Variants in ADGRB3 observed in about 807,000 individuals in gnomAD.
The protein encoded by ADGRB3 is adhesion G protein-coupled receptor B3, also known as brain-specific angiogenesis inhibitor 3.
ADGRB3 carries 37 observed loss-of-function variants against 193.4 expected under a neutral mutation model. That is an observed-to-expected ratio of 0.19 (90% CI 0.15 to 0.25). The LOEUF (loss-of-function observed/expected upper bound fraction) is 0.25, where lower values mean the gene tolerates loss of function less well. Ranked by LOEUF, ADGRB3 falls within the 10% of genes least tolerant of loss-of-function variation. The pLI, the probability that ADGRB3 is intolerant of heterozygous loss-of-function variation, is 1.00. For missense variants in ADGRB3, 1,637 were observed against 1,852.9 expected (o/e 0.88, Z 2.14); for synonymous variants, 690 against 644.2 (o/e 1.07, Z -1.08).
chr6:68,973,788 AG>A (rs747563516), intron 8 of ADGRB3, among the ~76,000 whole-genome samples: 13 of 152,218 alleles, frequency 8.5e-5, no homozygotes, highest in Non-Finnish European at 1.6e-4. Context: ...TTGTATGAAA[AG>A]CACAACAGTG....
chr6:68,807,222 TTTTTTCTTTTTTC>T (rs1767418254), intron 3 of ADGRB3, among the ~76,000 whole-genome samples: 2 of 112,338 alleles, frequency 1.8e-5, no homozygotes, highest in East Asian at 3.0e-4. Context: ...TTTCTTTTTC[TTTTTTCTTTTTTC>T]TTTTTTTTTT....
At chr6:68,654,794 A>G (rs1341963537) in intron 3 of ADGRB3, among the ~76,000 whole-genome samples, 1 of 151,930 alleles carries the variant, frequency 6.6e-6, no homozygotes. Context: ...AAGAATAAAA[A>G]TACCTTCTGC....
intron 3 of ADGRB3, among the ~76,000 whole-genome samples, chr6:68,674,638 G>A (rs2802686): frequency 0.023 from 3,518 of 152,228 alleles, 143 homozygotes; most frequent in African/African-American, 0.077. Flanking sequence ...GGTGACCTAT[G>A]AGCTATACCT....
intron 17 of ADGRB3, among the ~76,000 whole-genome samples, chr6:69,145,607 C>A (rs1181533610): frequency 9.2e-5 from 14 of 152,096 alleles, no homozygotes; most frequent in Admixed American, 1.3e-4. Flanking sequence ...TGTCCCATGT[C>A]CAGGAAGAAT....
intron 3 of ADGRB3, among the ~76,000 whole-genome samples, chr6:68,879,213 C>CTTTTTTTTTTTTT (rs529789046): frequency 4.4e-5 from 4 of 91,906 alleles, no homozygotes; most frequent in African/African-American, 9.7e-5. Flanking sequence ...CTTTTTGTCG[C>CTTTTTTTTTTTTT]TTTTTTTTTT....
In ADGRB3 at chr6:69,080,357, A is replaced by G. The variant is rs185759272; in HGVS notation, c.2480+4319A>G. Among the ~76,000 whole-genome samples the G allele has an allele frequency of 1.2e-4, 18 of 152,124 alleles. No homozygotes were observed. In the East Asian group the frequency reaches 3.3e-3, roughly 28 times the overall value. ...AAGTGTTACTATTATTGGATAGCCA[A>G]CCTTTCCCTGCAGGGAATAACCAAA... On this transcript the variant is annotated intron_variant, in intron 17 of 31. Coordinates refer to ENST00000370598, the MANE Select transcript of ADGRB3 (RefSeq NM_001704.3).
intron 3 of ADGRB3, among the ~76,000 whole-genome samples, chr6:68,796,497 G>A (rs1260774418): frequency 6.6e-6 from 1 of 152,112 alleles, no homozygotes; most frequent in Non-Finnish European, 1.5e-5. Flanking sequence ...TCTGCCACCA[G>A]TCTTTCGAAG....
intron 16 of ADGRB3, among the ~76,000 whole-genome samples, chr6:69,075,582 A>G (rs1246023102): frequency 6.6e-6 from 1 of 152,156 alleles, no homozygotes. Flanking sequence ...AGTGGTGGTG[A>G]TTATACATGT....
chr6:69,063,767 A>G (rs562283780), intron 16 of ADGRB3, among the ~76,000 whole-genome samples: 1 of 152,192 alleles, frequency 6.6e-6, no homozygotes, highest in African/African-American at 2.4e-5. Context: ...GATTTTGTTC[A>G]GTCCTCTGTA....
At chr6:68,892,247 T>C (rs1766098323) in intron 3 of ADGRB3, among the ~76,000 whole-genome samples, 1 of 152,162 alleles carries the variant, frequency 6.6e-6, no homozygotes. Context: ...TGGCTTTTCA[T>C]TGTTGAGGAG....
intron 20 of ADGRB3, among the ~76,000 whole-genome samples, chr6:69,278,378 T>G (rs1767347820): frequency 6.6e-6 from 1 of 152,234 alleles, no homozygotes; most frequent in Non-Finnish European, 1.5e-5. Flanking sequence ...CAGTGAGCCC[T>G]GATAACTCCT....
intron 29 of ADGRB3, among the ~76,000 whole-genome samples, chr6:69,369,287 A>G (rs962132532): frequency 6.6e-6 from 1 of 152,160 alleles, no homozygotes; most frequent in Non-Finnish European, 1.5e-5. Context: ...CAATACTTTG[A>G]AAGACTTTCC....
At chr6:69,280,846 C>T (rs1047160371) in intron 20 of ADGRB3, among the ~76,000 whole-genome samples, 3 of 150,798 alleles carry the variant, frequency 2.0e-5, no homozygotes, top group African/African-American at 4.9e-5. Context: ...TCTGTAACTA[C>T]AAAAAAATAT....
chr6:68,824,735 T>C (rs865972031), intron 3 of ADGRB3, among the ~76,000 whole-genome samples: 6 of 150,824 alleles, frequency 4.0e-5, no homozygotes, highest in Middle Eastern at 3.5e-3. Context: ...TTCCCCCTAA[T>C]CTTCTGTCTC....
At position 69,056,021 on chromosome 6, in the gene ADGRB3, A is replaced by G. The variant is rs183944038; in HGVS notation, c.2333+6675A>G. 1.3e-3 allele frequency among the ~76,000 whole-genome samples: 191 copies of G among 151,900 alleles called. 1 individual carries two copies. Among genetic ancestry groups the G allele is most frequent in the African/African-American group, 4.5e-3 (188 of 41,452 alleles). ...AATTTTTGTATTTTTAATAGAGATG[A>G]GATTTCCCCATGTTGGCCAGGCTGG... On this transcript the variant is annotated intron_variant, in intron 15 of 31. Coordinates refer to ENST00000370598, the MANE Select transcript of ADGRB3 (RefSeq NM_001704.3).
chr6:69,013,776 A>G (rs564559100), intron 11 of ADGRB3, among the ~76,000 whole-genome samples: 3 of 152,208 alleles, frequency 2.0e-5, no homozygotes, highest in Non-Finnish European at 2.9e-5. Flanking sequence ...TATAGATACT[A>G]TAATGGAACA....
intron 3 of ADGRB3, among the ~76,000 whole-genome samples, chr6:68,706,198 C>T (rs1765323462): frequency 6.6e-6 from 1 of 152,060 alleles, no homozygotes. Flanking sequence ...AAGCTGTTAT[C>T]ACCCCCAAAG....
intron 3 of ADGRB3, among the ~76,000 whole-genome samples, chr6:68,844,664 T>G (rs1474074038): frequency 6.6e-6 from 1 of 152,160 alleles, no homozygotes; most frequent in Admixed American, 6.5e-5. Flanking sequence ...ATATTTGCAC[T>G]CTTATGTTTA....
At chr6:69,344,076 C>T (rs1191571959) in intron 26 of ADGRB3, among the ~76,000 whole-genome samples, 1 of 152,148 alleles carries the variant, frequency 6.6e-6, no homozygotes, top group African/African-American at 2.4e-5. Flanking sequence ...GGCTCTAAGA[C>T]AGTCTTACAG....
Sources: allele counts gnomAD v4.1 joint callset (sites outside exome capture counted in the v4.1 genomes callset), GRCh38; gene constraint gnomAD v4.1.1; transcripts MANE v1.5; gene names NCBI Gene and HGNC (gene_info 2026-07-23, HGNC 2026-07-21).